NRG1: variants seen among roughly 807,000 people sequenced by gnomAD.
NRG1 encodes the protein pro-neuregulin-1, membrane-bound isoform.
A neutral mutation model predicts 63.8 loss-of-function variants in NRG1; 18 were observed. That is an observed-to-expected ratio of 0.28 (90% confidence interval 0.19 to 0.42). The LOEUF (loss-of-function observed/expected upper bound fraction) is 0.42. Ranked by LOEUF, NRG1 falls within the 10% of genes least tolerant of loss-of-function variation. NRG1 has a pLI of 1.00. For synonymous variants in NRG1, 302 were observed against 301.3 expected, an observed-to-expected ratio of 1.00 and a Z score of -0.02; for missense variants, 762 against 814.7, an observed-to-expected ratio of 0.94 and a Z score of 0.79.
At chr8:31,666,574 C>G (rs993676201) in intron 1 of NRG1, among the ~76,000 whole-genome samples, 1 of 152,240 alleles carries the variant, frequency 6.6e-6, no homozygotes, top group Admixed American at 6.5e-5. Context: ...GCAAAACATT[C>G]ACTGAGGTGT....
intron 1 of NRG1, among the ~76,000 whole-genome samples, chr8:32,500,101 T>C (rs1827684051): frequency 6.6e-6 from 1 of 152,224 alleles, no homozygotes; most frequent in South Asian, 2.1e-4. Context: ...TCTGCTTGTG[T>C]CTGGCAACTG....
At chr8:31,789,508 G>A (rs1290713106) in intron 1 of NRG1, among the ~76,000 whole-genome samples, 3 of 152,148 alleles carry the variant, frequency 2.0e-5, no homozygotes, top group Admixed American at 1.3e-4. Context: ...GCTGTCACAC[G>A]TGGAGGATAC....
rs1250576778 is a variant in NRG1 at position 32,088,752 on chromosome 8, T to G, written c.37+449321T>G. 3.3e-5 allele frequency among the ~76,000 whole-genome samples: 5 copies of G among 152,126 alleles called. No homozygotes were observed. In the East Asian group the frequency reaches 9.6e-4, roughly 29 times the overall value. Reference sequence around the variant, plus strand: ...CCAGGATGGTCTCAATCTCTTGACCTCATGATCCTCCTGCCTCGGCGTCCA... The same window carrying G: ...CCAGGATGGTCTCAATCTCTTGACCGCATGATCCTCCTGCCTCGGCGTCCA... On this transcript the variant is annotated intron_variant, in intron 1 of 10. Transcript: ENST00000519301.
intron 1 of NRG1, among the ~76,000 whole-genome samples, chr8:31,901,274 G>T (rs1254475367): frequency 1.3e-5 from 2 of 152,178 alleles, no homozygotes; most frequent in African/African-American, 4.8e-5. Context: ...CTTCAGGCAG[G>T]TTCTTTCTCT....
At chr8:31,721,748 T>A (rs1812940575) in intron 1 of NRG1, among the ~76,000 whole-genome samples, 1 of 152,178 alleles carries the variant, frequency 6.6e-6, no homozygotes, top group Non-Finnish European at 1.5e-5. Context: ...GAAACGCATG[T>A]TGCAGTTCCA....
At chr8:32,745,843 A>T (rs891134420) in intron 7 of NRG1, among the ~76,000 whole-genome samples, 1 of 152,188 alleles carries the variant, frequency 6.6e-6, no homozygotes, top group Admixed American at 6.6e-5. Context: ...ATAGGACCTA[A>T]TTATAGAATA....
chr8:32,353,443 C>A (rs997111208), intron 1 of NRG1, among the ~76,000 whole-genome samples: 3 of 151,420 alleles, frequency 2.0e-5, no homozygotes, highest in African/African-American at 7.3e-5. Flanking sequence ...ACTAATGAAA[C>A]ATTATATTTT....
In NRG1 at chr8:32,233,557, ATATATATTTTT is replaced by A. The variant is rs1307070771; in HGVS notation, c.38-362269_38-362259del. Among the ~76,000 whole-genome samples, 54 of 73,740 alleles carry A rather than the reference ATATATATTTTT, an allele frequency of 7.3e-4. 1 individual carries two copies. The highest frequency in any genetic ancestry group is 4.1e-3 in the African/African-American group (52 of 12,824). The allele number at this position is 73,740 out of a possible 152,430, so 48.4% of individuals were successfully genotyped here. On this transcript the variant is annotated intron_variant, in intron 1 of 10. Transcript: ENST00000519301. ...AAAGAATATATATATATATATATAT[ATATATATTTTT>A]TTTTTTTTTTCTTTTGAAACGGTGT...
At chr8:32,441,403 C>G (rs1016864158) in intron 1 of NRG1, 2 of 152,008 alleles carry the variant, frequency 1.3e-5, no homozygotes, top group African/African-American at 4.8e-5. Flanking sequence ...TCTTTGATGT[C>G]ACTATGTAGA....
chr8:32,073,847 G>C (rs1475337600), intron 1 of NRG1, among the ~76,000 whole-genome samples: 2 of 152,114 alleles, frequency 1.3e-5, no homozygotes, highest in Admixed American at 1.3e-4. Flanking sequence ...AGATTAGAAA[G>C]TTATTTTTTT....
chr8:32,547,476 T>C (rs1833193376), upstream of NRG1, among the ~76,000 whole-genome samples: 1 of 152,146 alleles, frequency 6.6e-6, no homozygotes, highest in African/African-American at 2.4e-5. Context: ...ATGTTTTTTA[T>C]CAGTTCCTCT....
At chr8:32,654,881 A>C (rs1801115243) in intron 5 of NRG1, among the ~76,000 whole-genome samples, 1 of 152,122 alleles carries the variant, frequency 6.6e-6, no homozygotes, top group African/African-American at 2.4e-5. Context: ...AGTCTCTTAC[A>C]ACTCTGGTTC....
chr8:32,612,951 T>G (rs918675829), intron 3 of NRG1, among the ~76,000 whole-genome samples: 2 of 152,068 alleles, frequency 1.3e-5, no homozygotes, highest in African/African-American at 4.8e-5. Context: ...TAATATAGTT[T>G]CTTTGAGATT....
intron 1 of NRG1, among the ~76,000 whole-genome samples, chr8:32,470,462 C>A (rs1218805666): frequency 6.6e-6 from 1 of 152,110 alleles, no homozygotes; most frequent in Admixed American, 6.5e-5. Context: ...CCTCAGCCTT[C>A]CAAAGTACTG....
At chr8:32,145,094 C>G (rs1585632651) in intron 1 of NRG1, among the ~76,000 whole-genome samples, 1 of 152,250 alleles carries the variant, frequency 6.6e-6, no homozygotes, top group East Asian at 1.9e-4. Context: ...CCTGGTTTAG[C>G]CAACCACGTG....
chr8:32,320,355 G>A (rs891193549), intron 1 of NRG1, among the ~76,000 whole-genome samples: 1 of 152,008 alleles, frequency 6.6e-6, no homozygotes, highest in African/African-American at 2.4e-5. Context: ...TTAGAAGTTA[G>A]CCTCTGTTTC....
intron 1 of NRG1, among the ~76,000 whole-genome samples, chr8:32,193,674 G>T (rs1326334586): frequency 1.3e-5 from 2 of 152,020 alleles, no homozygotes; most frequent in Admixed American, 1.3e-4. Flanking sequence ...AAAAAGATAC[G>T]TTAGAATCCC....
intron 1 of NRG1, among the ~76,000 whole-genome samples, chr8:32,241,744 A>G (rs1848118218): frequency 6.6e-6 from 1 of 151,874 alleles, no homozygotes; most frequent in South Asian, 2.1e-4. Flanking sequence ...TTGCTTTGGC[A>G]TCAAATGCCA....
intron 5 of NRG1, among the ~76,000 whole-genome samples, chr8:32,675,990 C>G (rs1467534049): frequency 1.3e-5 from 2 of 152,078 alleles, no homozygotes; most frequent in African/African-American, 4.8e-5. Context: ...GATACTTAGC[C>G]AACACTTTTC....
Sources: gnomAD v4.1 joint callset for allele counts (sites outside exome capture counted in the v4.1 genomes callset) on GRCh38, gnomAD v4.1.1 for gene constraint, MANE v1.5 for transcripts, NCBI Gene and HGNC (gene_info 2026-07-23, HGNC 2026-07-21) for gene names.